Variants in FAM135B observed in about 807,000 individuals in gnomAD.
FAM135B encodes family with sequence similarity 135 member B, also known as protein FAM135B.
FAM135B carries 43 observed loss-of-function variants against 127.7 expected under a neutral mutation model. The ratio of observed to expected loss-of-function variants is 0.34; its 90% confidence interval spans 0.26 to 0.43. The LOEUF is 0.43. FAM135B is among the 20% of genes least tolerant of loss of function. The pLI, the probability that FAM135B is intolerant of heterozygous loss-of-function variation, is 1.00. For missense variants in FAM135B, 1,558 were observed against 1,725.6 expected (o/e 0.90, Z 1.72); for synonymous variants, 670 against 665.1 (o/e 1.01, Z -0.11).
intron 2 of FAM135B, among the ~76,000 whole-genome samples, chr8:138,360,428 AC>A (rs1830349826): frequency 6.6e-6 from 1 of 152,238 alleles, no homozygotes; most frequent in Admixed American, 6.5e-5. Flanking sequence ...CACCACTAGC[AC>A]CAAGCTGGAA....
intron 5 of FAM135B, among the ~76,000 whole-genome samples, chr8:138,254,153 A>G (rs1821905124): frequency 6.6e-6 from 1 of 152,336 alleles, no homozygotes. Context: ...CCTATGAGGT[A>G]TGTATTCTAT....
intron 1 of FAM135B, among the ~76,000 whole-genome samples, chr8:138,480,347 C>T (rs1814723997): frequency 6.6e-6 from 1 of 152,162 alleles, no homozygotes; most frequent in Admixed American, 6.5e-5. Flanking sequence ...GGTTCCAAAA[C>T]ATCATTACCT....
rs1003659134 is a variant in FAM135B, at chr8:138,130,669, A to C, written c.*1924T>G. ...GGCCAGAAAGGAGAAGCTGCTACCA[A>C]CTTATGGTTCTGTACTGAGCATGGG... On this transcript the variant is annotated 3_prime_UTR_variant, in exon 20 of 20. Transcript: ENST00000395297. The C allele has an allele frequency of 6.6e-6, 1 of 152,242 alleles. No homozygotes were observed. The highest frequency in any genetic ancestry group is 6.5e-5 in the Admixed American group (1 of 15,270). The allele number at this position is 152,242 out of a possible 1,614,324, so 9.4% of individuals were successfully genotyped here.
chr8:138,476,369 T>C (rs1404809132), intron 1 of FAM135B, among the ~76,000 whole-genome samples: 1 of 152,062 alleles, frequency 6.6e-6, no homozygotes, highest in Admixed American at 6.6e-5. Context: ...TTTGGGGTGA[T>C]AATGATTTGT....
rs571068585 is a variant in FAM135B, at chr8:138,366,361, C to T, written c.77+1546G>A. ...GAGTGGAGTGGTGCCAAAGGAGCTC[C>T]TGAAGCAGTAGCACAGCCTGGACTC... On this transcript the variant is annotated intron_variant, in intron 2 of 19. Transcript: ENST00000395297. Among the ~76,000 whole-genome samples the T allele has an allele frequency of 7.2e-5, 11 of 152,304 alleles. No individual in the cohort carries two copies. The East Asian group carries it at 2.1e-3, about 29-fold the overall frequency.
At chr8:138,374,381 A>T (rs931651127) in intron 1 of FAM135B, among the ~76,000 whole-genome samples, 1 of 152,238 alleles carries the variant, frequency 6.6e-6, no homozygotes, top group East Asian at 1.9e-4. Flanking sequence ...CATTGTCAAT[A>T]GGATATTGTT....
At chr8:138,229,050 T>C (rs1344837690) in intron 7 of FAM135B, among the ~76,000 whole-genome samples, 1 of 152,100 alleles carries the variant, frequency 6.6e-6, no homozygotes, top group Non-Finnish European at 1.5e-5. Flanking sequence ...CACGTGTGTG[T>C]GTGTGTGTGT....
At chr8:138,209,658 T>C (rs1411678224) in intron 7 of FAM135B, among the ~76,000 whole-genome samples, 1 of 152,186 alleles carries the variant, frequency 6.6e-6, no homozygotes, top group East Asian at 1.9e-4. Context: ...AACCATGTGA[T>C]AGTGTGCCCT....
At chr8:138,177,880 G>C (rs1814626900) in intron 10 of FAM135B, among the ~76,000 whole-genome samples, 2 of 152,196 alleles carry the variant, frequency 1.3e-5, no homozygotes, top group South Asian at 4.1e-4. Context: ...ATTTAGTTAT[G>C]CATCAGCACC....
chr8:138,210,765 AT>A (rs1393666391), intron 7 of FAM135B, among the ~76,000 whole-genome samples: 1 of 152,174 alleles, frequency 6.6e-6, no homozygotes, highest in East Asian at 1.9e-4. Context: ...AACGATATCA[AT>A]AGGCTTTCTA....
intron 1 of FAM135B, among the ~76,000 whole-genome samples, chr8:138,422,213 A>G (rs968371709): frequency 2.0e-5 from 3 of 152,204 alleles, no homozygotes; most frequent in African/African-American, 4.8e-5. Context: ...CCACCTTCAC[A>G]AAGATTTTAT....
intron 1 of FAM135B, among the ~76,000 whole-genome samples, chr8:138,458,781 A>T (rs1194725705): frequency 6.6e-6 from 1 of 152,196 alleles, no homozygotes; most frequent in Non-Finnish European, 1.5e-5. Context: ...CTTTACAAAA[A>T]ACGTACGCTG....
chr8:138,446,352 T>G (rs1332851533), intron 1 of FAM135B, among the ~76,000 whole-genome samples: 1 of 152,032 alleles, frequency 6.6e-6, no homozygotes, highest in Non-Finnish European at 1.5e-5. Flanking sequence ...GCCAAGTCAA[T>G]CCTAAGCCAA....
At chr8:138,356,212 C>G (rs1830079022) in intron 2 of FAM135B, among the ~76,000 whole-genome samples, 1 of 151,342 alleles carries the variant, frequency 6.6e-6, no homozygotes, top group South Asian at 2.1e-4. Context: ...TATAGCAGCA[C>G]AAAAGGACTA....
intron 3 of FAM135B, among the ~76,000 whole-genome samples, chr8:138,307,691 T>G (rs1826365706): frequency 1.4e-5 from 2 of 146,338 alleles, no homozygotes; most frequent in Non-Finnish European, 3.0e-5. Context: ...TCAAATCCTC[T>G]CTGAAACCCT....
intron 1 of FAM135B, among the ~76,000 whole-genome samples, chr8:138,408,743 G>A (rs1829462): frequency 0.39 from 58,614 of 151,710 alleles, 11,890 homozygotes; most frequent in African/African-American, 0.52. Context: ...TTAAACCATC[G>A]GATCTCATAA....
At chr8:138,363,016 C>T (rs886502689) in intron 2 of FAM135B, among the ~76,000 whole-genome samples, 1 of 152,042 alleles carries the variant, frequency 6.6e-6, no homozygotes, top group African/African-American at 2.4e-5. Flanking sequence ...TGTCAATATG[C>T]AGAAATGGTT....
At chr8:138,155,649 G>C (rs1818659518) in intron 12 of FAM135B, among the ~76,000 whole-genome samples, 1 of 152,094 alleles carries the variant, frequency 6.6e-6, no homozygotes, top group Non-Finnish European at 1.5e-5. Context: ...TGCAATCCTA[G>C]TCTCTGATAA....
intron 1 of FAM135B, among the ~76,000 whole-genome samples, chr8:138,399,926 T>C (rs537335745): frequency 1.3e-5 from 2 of 152,228 alleles, no homozygotes; most frequent in Non-Finnish European, 2.9e-5. Context: ...TGAGCTTACC[T>C]GGCCTTGTAG....
Sources: allele counts gnomAD v4.1 joint callset (sites outside exome capture counted in the v4.1 genomes callset), GRCh38; gene constraint gnomAD v4.1.1; transcripts MANE v1.5; gene names NCBI Gene and HGNC (gene_info 2026-07-23, HGNC 2026-07-21).